Variants in VPS13C observed in about 807,000 individuals in gnomAD.
The protein encoded by VPS13C is vacuolar protein sorting 13 homolog C, also known as intermembrane lipid transfer protein VPS13C.
In VPS13C, 358 loss-of-function variants were observed where a neutral mutation model predicts 456.8. The ratio of observed to expected loss-of-function variants is 0.78; its 90% CI spans 0.72 to 0.86. The LOEUF is 0.86. VPS13C is among the 40% of genes least tolerant of loss of function. The pLI is 0.00. For missense variants in VPS13C, 4,818 were observed against 4,385.4 expected (o/e 1.10, Z -2.79); for synonymous variants, 1,578 against 1,486.7 (o/e 1.06, Z -1.41).
chr15:61,896,310 G>A (rs565739681), intron 66 of VPS13C, among the ~76,000 whole-genome samples: 39 of 152,300 alleles, frequency 2.6e-4, no homozygotes, highest in South Asian at 8.3e-4. Flanking sequence ...CACAGAAGAC[G>A]GGTGATTTCT....
intron 62 of VPS13C, among the ~76,000 whole-genome samples, chr15:61,912,934 T>TC (rs200690655): frequency 0.011 from 1,650 of 151,190 alleles, 28 homozygotes; most frequent in African/African-American, 0.038. Context: ...GAAAAAATGC[T>TC]CACCATCACC....
At position 61,931,279 on chromosome 15, in the gene VPS13C, C is replaced by G. The variant is rs779036028; in HGVS notation, c.5869-20G>C. ...AGATTCCTATGGTACATTTTTCAAG[C>G]AAAAGAATCAATTACCTTTAAATAT... On this transcript the variant is annotated intron_variant, in intron 49 of 84. Coordinates refer to ENST00000644861, the MANE Select transcript of VPS13C (RefSeq NM_020821.3). 15 of 1,595,450 alleles carry G rather than the reference C, an allele frequency of 9.4e-6. No individual in the cohort carries two copies. In the Admixed American group the frequency reaches 2.1e-4, roughly 23 times the overall value.
chr15:61,927,051 C>A, intron 52 of VPS13C, 40 bp downstream of exon 52: 1 of 1,558,180 alleles, frequency 6.4e-7, no homozygotes, highest in South Asian at 1.1e-5. Context: ...CTGTTTCTGC[C>A]ATTCTTCAAC....
At chr15:61,893,572 G>A (rs1475003862) in intron 66 of VPS13C, among the ~76,000 whole-genome samples, 2 of 150,242 alleles carry the variant, frequency 1.3e-5, no homozygotes, top group Non-Finnish European at 3.0e-5. Flanking sequence ...TAAGTACACA[G>A]ACAAATTGAG....
At chr15:62,024,844 C>T (rs544359396) in intron 6 of VPS13C, among the ~76,000 whole-genome samples, 2 of 152,166 alleles carry the variant, frequency 1.3e-5, no homozygotes, top group East Asian at 3.9e-4. Context: ...TTTCTAATGC[C>T]TAATGCCTCT....
Position 62,012,663 on chromosome 15 carries a change from CAT to C in VPS13C, c.825+374_825+375del, listed in dbSNP as rs576837895. 2.2e-3 allele frequency among the ~76,000 whole-genome samples: 328 copies of C among 151,910 alleles called. 1 individual carries two copies. Among genetic ancestry groups the C allele is most frequent in the African/African-American group, 7.0e-3 (290 of 41,484 alleles). On this transcript the variant is annotated intron_variant, in intron 11 of 84. Transcript: ENST00000644861. ...AGAAAATCATCACAAATGTCTAAAA[CAT>C]GTGTCAAAGATACATGCTTTATATC...
chr15:61,864,603 C>A, intron 81 of VPS13C: 1 of 981,008 alleles, frequency 1.0e-6, no homozygotes, highest in Non-Finnish European at 1.2e-6. Flanking sequence ...GATATTATTT[C>A]AATGCTTAAA....
chr15:61,964,803 T>C lies in VPS13C; in HGVS notation c.3110A>G (p.Asn1037Ser). Residue 1037 changes from asparagine to serine, a missense_variant, in exon 31 of 85, where the codon AAT (asparagine) becomes AGT (serine). Physicochemically the swap from Asn to Ser is conservative, Grantham distance 46. This residue lies in a region of VPS13C where 4,552 missense variants were observed against 4,130.6 expected (regional missense o/e 1.10). Coordinates refer to ENST00000644861, the MANE Select transcript of VPS13C (RefSeq NM_020821.3). ...AGATGGAATAATGGTTGTGAGGTAA[T>C]TAATAGAAGCGACAAGAGCTTGTGT... ...LQTQALVASI[N>S]YLTTIIPSDD... is the part of the protein sequence containing the mutation. 1 of 1,612,534 alleles carries C rather than the reference T, an allele frequency of 6.2e-7. No individual in the cohort carries two copies. The highest frequency in any genetic ancestry group is 8.5e-7 in the Non-Finnish European group (1 of 1,179,066).
intron 8 of VPS13C, 29 bp downstream of exon 8, chr15:62,023,382 T>C: frequency 8.0e-7 from 1 of 1,245,940 alleles, no homozygotes; most frequent in Non-Finnish European, 1.1e-6. Flanking sequence ...CATATTTAAT[T>C]ATTAACTGAG....
chr15:61,989,401 G>GA (rs371158076), intron 18 of VPS13C, among the ~76,000 whole-genome samples: 24 of 145,624 alleles, frequency 1.6e-4, no homozygotes, highest in East Asian at 6.0e-4. Flanking sequence ...TGTCTCAAAA[G>GA]AAAAAAAAAA....
chr15:61,878,835 A>C, intron 73 of VPS13C, 89 bp from the exon 74 acceptor site: 1 of 1,405,026 alleles, frequency 7.1e-7, no homozygotes. Context: ...CAAACCAAAA[A>C]AAGTCTTTCG....
intron 67 of VPS13C, among the ~76,000 whole-genome samples, chr15:61,889,658 G>A (rs1462902037): frequency 6.6e-6 from 1 of 151,966 alleles, no homozygotes; most frequent in Non-Finnish European, 1.5e-5. Context: ...ATTCTAAATG[G>A]CCACCCATTA....
rs775842772 is a variant in VPS13C at position 61,951,031 on chromosome 15, G to C, written c.4457-7C>G. 18 of 1,554,806 alleles carry C rather than the reference G, an allele frequency of 1.2e-5. No individual in the cohort carries two copies. On this transcript the variant is annotated splice_region_variant and splice_polypyrimidine_tract_variant and intron_variant, in intron 39 of 84. Transcript: ENST00000644861. ...AGAGGTTCCCCTTTAGAGTCTAAAAGAGAAAAAAGACAAAGTTGATCCATC... is the reference window on the plus strand; with the variant it reads ...AGAGGTTCCCCTTTAGAGTCTAAAACAGAAAAAAGACAAAGTTGATCCATC...
At chr15:61,862,822 G>A (rs971617703) in intron 82 of VPS13C, among the ~76,000 whole-genome samples, 1 of 152,034 alleles carries the variant, frequency 6.6e-6, no homozygotes, top group Non-Finnish European at 1.5e-5. Flanking sequence ...TGCAGATTTT[G>A]CCACTGTAAG....
rs564136343 is a variant in VPS13C at position 62,039,135 on chromosome 15, T to C, written c.187+2189A>G. Among the ~76,000 whole-genome samples the C allele has an allele frequency of 2.6e-5, 4 of 152,276 alleles. No homozygotes were observed. In the South Asian group the frequency reaches 8.3e-4, roughly 32 times the overall value. ...TTATATAAAAAGACACCTGCACTCA[T>C]ATGTTTATCACAGCACTAACCACAA... On this transcript the variant is annotated intron_variant, in intron 3 of 84. Transcript: ENST00000644861.
intron 1 of VPS13C, among the ~76,000 whole-genome samples, chr15:62,056,275 T>C (rs1047140897): frequency 6.6e-6 from 1 of 152,214 alleles, no homozygotes; most frequent in Non-Finnish European, 1.5e-5. Flanking sequence ...ATATCATTAA[T>C]CATTAGTTTG....
At chr15:61,878,988 A>G (rs1199181291) in intron 73 of VPS13C, among the ~76,000 whole-genome samples, 1 of 152,080 alleles carries the variant, frequency 6.6e-6, no homozygotes, top group Non-Finnish European at 1.5e-5. Context: ...AATGTATATA[A>G]ATGCCATTGC....
At chr15:61,969,499 T>C in intron 27 of VPS13C, 47 bp from the exon 28 acceptor site, 2 of 1,338,970 alleles carry the variant, frequency 1.5e-6, no homozygotes, top group Non-Finnish European at 2.0e-6. Flanking sequence ...GTCTGAATCA[T>C]ACTTAAAATA....
At chr15:61,901,378 A>T (rs960941888) in intron 66 of VPS13C, among the ~76,000 whole-genome samples, 9 of 152,138 alleles carry the variant, frequency 5.9e-5, no homozygotes, top group Non-Finnish European at 1.3e-4. Context: ...AAGGGCTAAT[A>T]TCCAGAATCT....
Sources: gnomAD v4.1 joint callset for allele counts (sites outside exome capture counted in the v4.1 genomes callset) on GRCh38, gnomAD v4.1.1 for gene constraint, gnomAD v4.1.1 regional missense constraint, MANE v1.5 for transcripts, NCBI Gene and HGNC (gene_info 2026-07-23, HGNC 2026-07-21) for gene names.